The following KCNJ6 variants were observed in gnomAD, a reference collection of about 807,000 sequenced individuals.
KCNJ6 encodes potassium inwardly rectifying channel subfamily J member 6.
In KCNJ6, 9 loss-of-function variants were observed where a neutral mutation model predicts 34.2. That is an observed-to-expected ratio of 0.26 (90% CI 0.16 to 0.46). The LOEUF is 0.46. Among genes scored for constraint, KCNJ6 ranks in the 20% least tolerant of loss-of-function variants. KCNJ6 has a pLI of 1.00. For missense variants in KCNJ6, 236 were observed against 531.3 expected, an observed-to-expected ratio of 0.44 and a Z score of 5.46; for synonymous variants, 196 against 207.1, an observed-to-expected ratio of 0.95 and a Z score of 0.46.
At chr21:37,727,241 T>G (rs1302501252) in intron 2 of KCNJ6, among the ~76,000 whole-genome samples, 1 of 152,214 alleles carries the variant, frequency 6.6e-6, no homozygotes, top group Non-Finnish European at 1.5e-5. Context: ...TCTTTTGTTT[T>G]AAGCTGCCCA....
intron 2 of KCNJ6, among the ~76,000 whole-genome samples, chr21:37,728,155 A>G (rs1402821836): frequency 6.6e-6 from 1 of 152,248 alleles, no homozygotes; most frequent in Admixed American, 6.5e-5. Flanking sequence ...ACATGCTCCC[A>G]CATGGGTGAA....
intron 2 of KCNJ6, among the ~76,000 whole-genome samples, chr21:37,720,715 TTTTG>T (rs1436214660): frequency 6.6e-6 from 1 of 151,026 alleles, no homozygotes; most frequent in Non-Finnish European, 1.5e-5. Flanking sequence ...TTTTTTTTTT[TTTTG>T]AGACGGAGTC....
intron 2 of KCNJ6, among the ~76,000 whole-genome samples, chr21:37,766,287 C>A (rs1405814526): frequency 6.6e-6 from 1 of 152,122 alleles, no homozygotes; most frequent in Admixed American, 6.5e-5. Context: ...GGCTGCCACT[C>A]CCTAAATATC....
At chr21:37,723,757 T>C (rs1010655787) in intron 2 of KCNJ6, among the ~76,000 whole-genome samples, 6 of 152,108 alleles carry the variant, frequency 3.9e-5, no homozygotes, top group Admixed American at 1.3e-4. Context: ...CACTGGGGAC[T>C]ACTAGAGGGG....
intron 3 of KCNJ6, among the ~76,000 whole-genome samples, chr21:37,696,160 G>A (rs1322837255): frequency 2.0e-5 from 3 of 152,214 alleles, no homozygotes; most frequent in East Asian, 1.9e-4. Flanking sequence ...AGAAATAACC[G>A]ATTCAGGTTA....
At chr21:37,767,313 C>T (rs554079859) in intron 2 of KCNJ6, among the ~76,000 whole-genome samples, 124 of 152,268 alleles carry the variant, frequency 8.1e-4, no homozygotes, top group African/African-American at 2.6e-3. Flanking sequence ...CACAGTTTGG[C>T]GTTCGAATCT....
At chr21:37,758,083 G>T (rs74317996) in intron 2 of KCNJ6, among the ~76,000 whole-genome samples, 2 of 151,724 alleles carry the variant, frequency 1.3e-5, no homozygotes, top group Non-Finnish European at 1.5e-5. Flanking sequence ...TAGTGGAGGG[G>T]GAGAGGCTTC....
At chr21:37,720,227 A>G (rs930729055) in intron 2 of KCNJ6, among the ~76,000 whole-genome samples, 1 of 152,252 alleles carries the variant, frequency 6.6e-6, no homozygotes, top group Non-Finnish European at 1.5e-5. Context: ...GAGACACTCT[A>G]GATACCTGAT....
intron 2 of KCNJ6, among the ~76,000 whole-genome samples, chr21:37,824,413 C>T (rs962230392): frequency 3.1e-4 from 24 of 77,468 alleles, no homozygotes; most frequent in Admixed American, 4.4e-4. Context: ...TGGCTTAAAA[C>T]GATATAAATT....
At chr21:37,758,832 T>G (rs1423676863) in intron 2 of KCNJ6, among the ~76,000 whole-genome samples, 1 of 152,156 alleles carries the variant, frequency 6.6e-6, no homozygotes, top group East Asian at 1.9e-4. Context: ...GAGCTTGCTG[T>G]GTTTCCCAGG....
At chr21:37,856,971 G>A (rs2055568516) in intron 1 of KCNJ6, among the ~76,000 whole-genome samples, 1 of 152,160 alleles carries the variant, frequency 6.6e-6, no homozygotes, top group African/African-American at 2.4e-5. Flanking sequence ...TATTTTAAAT[G>A]CATTGCTTGT....
chr21:37,837,519 A>G (rs1401945957), intron 2 of KCNJ6, among the ~76,000 whole-genome samples: 3 of 152,192 alleles, frequency 2.0e-5, no homozygotes, highest in African/African-American at 7.2e-5. Flanking sequence ...TTGCTTAGCC[A>G]TTGATGTGGC....
chr21:37,860,741 T>C (rs139229398), intron 1 of KCNJ6, among the ~76,000 whole-genome samples: 3 of 152,308 alleles, frequency 2.0e-5, no homozygotes, highest in African/African-American at 7.2e-5. Flanking sequence ...TGTCATATCA[T>C]CCAGGTCATG....
chr21:37,617,053 TTTTCTTTTC>T lies in KCNJ6; in HGVS notation c.*8097_*8105del, dbSNP rs1197091016. On this transcript the variant is annotated 3_prime_UTR_variant, in exon 4 of 4. Transcript: ENST00000609713. ...CTTTCTTTCTTTCTTTCTTTCTTTC[TTTTCTTTTC>T]TTTTCTTTTCTTTTCTTTCTTTTTC... 1 of 54,118 alleles carries T rather than the reference TTTTCTTTTC, an allele frequency of 1.8e-5. No homozygotes were observed. Among genetic ancestry groups the T allele is most frequent in the Non-Finnish European group, 3.7e-5 (1 of 26,886 alleles). 3.4% of individuals were successfully genotyped at this position (54,118 alleles called of 1,614,324 possible).
At chr21:37,712,882 G>A (rs1569450329) in intron 3 of KCNJ6, among the ~76,000 whole-genome samples, 1 of 151,418 alleles carries the variant, frequency 6.6e-6, no homozygotes, top group Admixed American at 6.6e-5. Flanking sequence ...GTTAACACCT[G>A]GAGCACTTAT....
intron 2 of KCNJ6, among the ~76,000 whole-genome samples, chr21:37,825,918 T>A (rs1015579299): frequency 6.6e-6 from 1 of 152,182 alleles, no homozygotes; most frequent in Non-Finnish European, 1.5e-5. Context: ...CCCCCATGAT[T>A]CAATTACCTC....
At chr21:37,893,882 T>A (rs748960290) in intron 1 of KCNJ6, among the ~76,000 whole-genome samples, 17 of 152,314 alleles carry the variant, frequency 1.1e-4, no homozygotes, top group Non-Finnish European at 2.4e-4. Flanking sequence ...TATAGACAGA[T>A]AACCCAGAGC....
intron 2 of KCNJ6, among the ~76,000 whole-genome samples, chr21:37,740,321 T>G (rs1223870977): frequency 6.6e-6 from 1 of 152,130 alleles, no homozygotes; most frequent in Non-Finnish European, 1.5e-5. Context: ...AAGAATCGGT[T>G]ACAATCTACT....
At chr21:37,673,024 A>G (rs1172311999) in intron 3 of KCNJ6, among the ~76,000 whole-genome samples, 1 of 152,258 alleles carries the variant, frequency 6.6e-6, no homozygotes, top group Non-Finnish European at 1.5e-5. Flanking sequence ...TAAATGCTAT[A>G]AAAGTCTCCT....
Sources: allele counts gnomAD v4.1 joint callset (sites outside exome capture counted in the v4.1 genomes callset), GRCh38; gene constraint gnomAD v4.1.1; transcripts MANE v1.5; gene names NCBI Gene and HGNC (gene_info 2026-07-23, HGNC 2026-07-21).